KRT2: variants seen among roughly 807,000 people sequenced by gnomAD.
KRT2 encodes the protein keratin, type II cytoskeletal 2 epidermal.
KRT2 carries 37 observed loss-of-function variants against 48.5 expected under a neutral mutation model. That is an observed-to-expected ratio of 0.76 (90% confidence interval 0.59 to 1.00). KRT2 has a LOEUF of 1.00. Ranked by LOEUF, KRT2 falls within the 50% of genes least tolerant of loss-of-function variation. KRT2 has a pLI of 0.00. For synonymous variants in KRT2, 324 were observed against 312.2 expected (o/e 1.04, Z -0.40); for missense variants, 880 against 815.2 (o/e 1.08, Z -0.97).
chr12:52,651,733 C>A lies in KRT2; in HGVS notation c.410G>T (p.Gly137Val). ...TCCTCCAGGCCCAAAGCCACCAGGA[C>A]CCCCTAAACCTCCAACACCACCAGG... Reference protein sequence around the residue: ...GGPGGVGGLGGPGGFGPGGYP... With the variant: ...GGPGGVGGLGVPGGFGPGGYP... The change falls in exon 1 of 9, where the codon GGT (glycine) becomes GTT (valine). Residue 137 changes from glycine (G) to valine (V), a missense_variant. Coordinates refer to ENST00000309680, the MANE Select transcript of KRT2 (RefSeq NM_000423.3). 1 of 1,614,050 alleles carries A rather than the reference C, an allele frequency of 6.2e-7. No individual in the cohort carries two copies. Among genetic ancestry groups the A allele is most frequent in the South Asian group, 1.1e-5 (1 of 91,074 alleles).
chr12:52,652,154 C>G lies in KRT2; in HGVS notation c.-12G>C. On this transcript the variant is annotated 5_prime_UTR_variant, in exon 1 of 9. Transcript: ENST00000309680. Reference sequence around the variant, plus strand: ...ATCTGACAACTCATGATGCCTTTGTCCAGGGAGGAAAGTCACAGGCTCTTG... The same window carrying G: ...ATCTGACAACTCATGATGCCTTTGTGCAGGGAGGAAAGTCACAGGCTCTTG... 1 of 1,528,130 alleles carries G rather than the reference C, an allele frequency of 6.5e-7. No homozygotes were observed. Among genetic ancestry groups the G allele is most frequent in the South Asian group, 1.2e-5 (1 of 84,026 alleles). 94.7% of individuals were successfully genotyped at this position (1,528,130 alleles called of 1,614,324 possible).
rs376428372 is a variant in KRT2 at position 52,649,892 on chromosome 12, G to A, written c.861+22C>T. 538 of 1,604,578 alleles carry A rather than the reference G, an allele frequency of 3.4e-4. 1 individual carries two copies. Among genetic ancestry groups the A allele is most frequent in the Non-Finnish European group, 4.4e-4 (511 of 1,171,462 alleles). On this transcript the variant is annotated intron_variant, in intron 3 of 8. Transcript: ENST00000309680. ...TGAAGCACTCCTATCCCCACCCCCAGCCAAGACATTCTCTCGCTCACCTTT... is the reference window on the plus strand; with the variant it reads ...TGAAGCACTCCTATCCCCACCCCCAACCAAGACATTCTCTCGCTCACCTTT...
chr12:52,649,556 A>G (rs1441319133), intron 3 of KRT2, among the ~76,000 whole-genome samples: 3 of 152,228 alleles, frequency 2.0e-5, no homozygotes, highest in Non-Finnish European at 4.4e-5. Flanking sequence ...CTTTGTCAGC[A>G]CAACCAACAG....
chr12:52,650,499 G>C lies in KRT2; in HGVS notation c.640C>G (p.Gln214Glu), dbSNP rs1941233356. 2 of 1,613,490 alleles carry C rather than the reference G, an allele frequency of 1.2e-6. No homozygotes were observed. The highest frequency in any genetic ancestry group is 4.5e-5 in the East Asian group (2 of 44,888). The change falls in exon 2 of 9, where the codon CAA becomes GAA. Residue 214 changes from glutamine to glutamate, a missense_variant. By Grantham distance (29) the Gln-to-Glu change is conservative. Transcript: ENST00000309680. The part of the protein sequence containing the change: ...QVLQTKWELL[Q>E]QMNVGTRPIN... ...GGGCGGGTGCCAACATTCATTTGTT[G>C]TAGCAGCTCCCATTTGGTCTGTAAC...
At chr12:52,649,211 G>A in intron 3 of KRT2, 109 bp from the exon 4 acceptor site, 2 of 766,550 alleles carry the variant, frequency 2.6e-6, no homozygotes, top group African/African-American at 1.7e-5. Context: ...AAAATCCCAG[G>A]CTCCCCAACC....
rs1271254784 is a variant in KRT2 at position 52,649,001 on chromosome 12, C to T, written c.957+6G>A. 1 of 1,575,692 alleles carries T rather than the reference C, an allele frequency of 6.3e-7. No homozygotes were observed. On this transcript the variant is annotated splice_donor_region_variant and intron_variant, in intron 4 of 8. Transcript: ENST00000309680. ...GTAAGGGACTGTCCCGGAGCAGCCT[C>T]CTTACCGCATCATAGAGAACTTTCA...
chr12:52,651,684 G>A lies in KRT2; in HGVS notation c.459C>T (p.Val153=), dbSNP rs768075243. The A allele has an allele frequency of 3.1e-6, 5 of 1,613,930 alleles. No homozygotes were observed. In the Admixed American group the frequency reaches 6.7e-5, roughly 22 times the overall value. The change falls in exon 1 of 9, where the codon GTC becomes GTT. Residue 153 remains valine, a synonymous_variant. Coordinates refer to ENST00000309680, the MANE Select transcript of KRT2 (RefSeq NM_000423.3). ...PGGYPGGIHE[V]SVNQSLLQPL... ...GCTGCAGGAGGCTCTGGTTGACAGA[G>A]ACTTCGTGGATGCCACCAGGGTATC...
rs1292994828 is a variant in KRT2, at chr12:52,652,038, T to C, written c.105A>G (p.Arg35=). The C allele has an allele frequency of 2.5e-6, 4 of 1,606,336 alleles. No individual in the cohort carries two copies. The highest frequency in any genetic ancestry group is 3.4e-6 in the Non-Finnish European group (4 of 1,179,912). The part of the protein sequence containing the change: ...GSAVVSGGSR[R]STSSFSCLSR... ...TCAAGCAGGAGAAGCTGGAAGTTGA[T>C]CTCCGGCTTCCACCAGACACCACAG... is the stretch of plus-strand genomic sequence containing the variant. Residue 35 remains arginine (R), a synonymous_variant, in exon 1 of 9, where the codon AGA becomes AGG. Transcript: ENST00000309680.
chr12:52,650,275 AG>A, intron 2 of KRT2, 63 bp downstream of exon 2: 1 of 1,388,020 alleles, frequency 7.2e-7, no homozygotes, highest in Non-Finnish European at 1.0e-6. Flanking sequence ...ATGGCTTTCC[AG>A]GGAGTGATCA....
In KRT2 at chr12:52,650,572, G is replaced by A; in HGVS notation, c.586-19C>T. 1 of 1,602,040 alleles carries A rather than the reference G, an allele frequency of 6.2e-7. No homozygotes were observed. Among genetic ancestry groups the A allele is most frequent in the Non-Finnish European group, 8.5e-7 (1 of 1,170,624 alleles). On this transcript the variant is annotated intron_variant, in intron 1 of 8. Transcript: ENST00000309680. ...ACCGCACCTGCCATGACCAGAAGGA[G>A]AGCACATGAGTTCTAGATCATCCTT...
In KRT2 at chr12:52,651,797, C is replaced by A; in HGVS notation, c.346G>T (p.Gly116Cys). 6.2e-7 allele frequency: 1 copy of A among 1,607,728 alleles called. No homozygotes were observed. Among genetic ancestry groups the A allele is most frequent in the Non-Finnish European group, 8.5e-7 (1 of 1,176,272 alleles). Reference sequence around the variant, plus strand: ...CCAAAGCGGCCTCCACCAAAGCCGCCTCCACCGAAACCACCACCACTGAAG... The same window carrying A: ...CCAAAGCGGCCTCCACCAAAGCCGCATCCACCGAAACCACCACCACTGAAG... ...SGFSGGGFGG[G>C]GFGGGRFGGF... The change falls in exon 1 of 9, where the codon GGC becomes TGC. Residue 116 changes from glycine to cysteine, a missense_variant. Physicochemically the swap from Gly to Cys is radical, Grantham distance 159 (BLOSUM62 -3). Transcript: ENST00000309680.
Position 52,645,259 on chromosome 12 carries a change from T to C in KRT2, c.1680A>G (p.Gly560=), listed in dbSNP as rs1426740796. The part of the protein sequence containing the change: ...GGSGGGGSIS[G]GGYGSGGGSG... ...AACCACCGCCAGAGCCATATCCTCC[T>C]CCAGAGATAGAACCTCCTCCTCCAC... The change falls in exon 9 of 9, where the codon GGA becomes GGG. Residue 560 remains glycine (G), a synonymous_variant. Transcript: ENST00000309680. 1.2e-6 allele frequency: 2 copies of C among 1,613,818 alleles called. No homozygotes were observed. Among genetic ancestry groups the C allele is most frequent in the East Asian group, 2.2e-5 (1 of 44,878 alleles).
At position 52,647,751 on chromosome 12, in the gene KRT2, C is replaced by A; in HGVS notation, c.1227G>T (p.Glu409Asp). ...LNRVIQRLQG[E>D]IAHVKKQCKN... ...TCACCTGCTTCTTCACATGTGCGAT[C>A]TCCCCCTGCAGCCTCTGGATCACGC... is the stretch of plus-strand genomic sequence containing the variant. The change falls in exon 6 of 9, where the codon GAG becomes GAT. Residue 409 changes from glutamate to aspartate, a missense_variant. Coordinates refer to ENST00000309680, the MANE Select transcript of KRT2 (RefSeq NM_000423.3). 1 of 1,613,972 alleles carries A rather than the reference C, an allele frequency of 6.2e-7. No individual in the cohort carries two copies. Among genetic ancestry groups the A allele is most frequent in the Non-Finnish European group, 8.5e-7 (1 of 1,179,944 alleles).
chr12:52,647,060 G>A (rs894563783), intron 6 of KRT2, 100 bp from the exon 7 acceptor site: 1 of 1,063,622 alleles, frequency 9.4e-7, no homozygotes, highest in Non-Finnish European at 1.4e-6. Flanking sequence ...CCCTGGGAGT[G>A]TTAGGTCCCC....
Position 52,652,001 on chromosome 12 carries a change from C to A in KRT2, c.142G>T (p.Gly48Cys). ...SSFSCLSRHG[G>C]GGGGFGGGGF... ...CCTCCACCGAAGCCCCCGCCACCAC[C>A]ACCATGGCGGCTCAAGCAGGAGAAG... Residue 48 changes from glycine to cysteine, a missense_variant, in exon 1 of 9, where the codon GGT becomes TGT. Physicochemically the swap from Gly to Cys is radical, Grantham distance 159. Transcript: ENST00000309680. 6.2e-7 allele frequency: 1 copy of A among 1,612,146 alleles called. No individual in the cohort carries two copies. Among genetic ancestry groups the A allele is most frequent in the Non-Finnish European group, 8.5e-7 (1 of 1,179,930 alleles).
At position 52,646,760 on chromosome 12, in the gene KRT2, C is replaced by T. The variant is rs1335895434; in HGVS notation, c.1449G>A (p.Leu483=). 6.2e-7 allele frequency: 1 copy of T among 1,614,106 alleles called. No homozygotes were observed. The highest frequency in any genetic ancestry group is 8.5e-7 in the Non-Finnish European group (1 of 1,180,008). The part of the protein sequence containing the change: ...LDVEIATYRK[L]LEGEECRMSG... ...CTCACCTGCACTCCTCGCCCTCCAG[C>T]AGTTTGCGGTAGGTGGCGATCTCCA... The change falls in exon 7 of 9, where the codon CTG becomes CTA. Residue 483 remains leucine (L), a synonymous_variant. Transcript: ENST00000309680.
In KRT2 at chr12:52,646,766, G is replaced by C; in HGVS notation, c.1443C>G (p.Arg481=). The part of the protein sequence containing the change: ...LALDVEIATY[R]KLLEGEECRM... ...TGCACTCCTCGCCCTCCAGCAGTTT[G>C]CGGTAGGTGGCGATCTCCACATCTA... Residue 481 remains arginine, a synonymous_variant, in exon 7 of 9, where the codon CGC becomes CGG. Transcript: ENST00000309680. 5 of 1,614,080 alleles carry C rather than the reference G, an allele frequency of 3.1e-6. No individual in the cohort carries two copies. The highest frequency in any genetic ancestry group is 4.2e-6 in the Non-Finnish European group (5 of 1,180,004).
intron 1 of KRT2, among the ~76,000 whole-genome samples, chr12:52,651,219 G>A (rs11170217): frequency 0.35 from 53,894 of 152,092 alleles, 10,607 homozygotes; most frequent in Non-Finnish European, 0.42. Context: ...CTCAGAAGAC[G>A]ATGGCTTCCA....
At position 52,650,326 on chromosome 12, in the gene KRT2, C is replaced by T. The variant is rs1405157518; in HGVS notation, c.800+13G>A. 1 of 1,609,854 alleles carries T rather than the reference C, an allele frequency of 6.2e-7. No homozygotes were observed. The highest frequency in any genetic ancestry group is 1.1e-5 in the South Asian group (1 of 90,974). ...ATGTTTATCTCCACTCAGCGTTTCA[C>T]TCTGCCACCTACTTCTTCTTATAAT... On this transcript the variant is annotated intron_variant, in intron 2 of 8. Transcript: ENST00000309680.
Sources: allele counts gnomAD v4.1 joint callset (sites outside exome capture counted in the v4.1 genomes callset), GRCh38; gene constraint gnomAD v4.1.1; transcripts MANE v1.5; gene names NCBI Gene and HGNC (gene_info 2026-07-23, HGNC 2026-07-21).